NMNAT3: variants seen among roughly 807,000 people sequenced by gnomAD.
NMNAT3 encodes the protein nicotinamide/nicotinic acid mononucleotide adenylyltransferase 3.
In NMNAT3, 21 loss-of-function variants were observed where a neutral mutation model predicts 24.8. The ratio of observed to expected loss-of-function variants is 0.85; its 90% CI spans 0.60 to 1.22. NMNAT3 has a LOEUF of 1.22. Ranked by LOEUF, NMNAT3 falls within the 50% of genes most tolerant of loss-of-function variation. The pLI, the probability that NMNAT3 is intolerant of heterozygous loss-of-function variation, is 0.00. For synonymous variants in NMNAT3, 136 were observed against 155.2 expected, an observed-to-expected ratio of 0.88 and a Z score of 0.92; for missense variants, 387 against 436.6, an observed-to-expected ratio of 0.89 and a Z score of 1.01.
chr3:139,563,962 T>TA (rs1936806391), intron 6 of NMNAT3, among the ~76,000 whole-genome samples: 2 of 152,176 alleles, frequency 1.3e-5, no homozygotes, highest in Non-Finnish European at 2.9e-5. Flanking sequence ...GAAAGGTAGA[T>TA]AAAACTGAAA....
chr3:139,639,515 A>G (rs1208121151), intron 1 of NMNAT3, among the ~76,000 whole-genome samples: 1 of 152,196 alleles, frequency 6.6e-6, no homozygotes, highest in Non-Finnish European at 1.5e-5. Flanking sequence ...AGCAAAAGAC[A>G]GGCATGTTTA....
chr3:139,658,940 C>T (rs890614417), intron 1 of NMNAT3, among the ~76,000 whole-genome samples: 9 of 152,234 alleles, frequency 5.9e-5, no homozygotes, highest in African/African-American at 1.9e-4. Flanking sequence ...CCCTGCACCC[C>T]TCCCTCAAGC....
chr3:139,595,079 A>G (rs2054383970), intron 3 of NMNAT3, among the ~76,000 whole-genome samples: 1 of 152,260 alleles, frequency 6.6e-6, no homozygotes. Flanking sequence ...TTTCAGCCCA[A>G]AATCTCCTTA....
chr3:139,627,350 A>T (rs2056096778), intron 3 of NMNAT3, among the ~76,000 whole-genome samples: 1 of 152,072 alleles, frequency 6.6e-6, no homozygotes, highest in Non-Finnish European at 1.5e-5. Flanking sequence ...GGTTCTGTAG[A>T]GGGCCTGTTG....
At chr3:139,651,934 T>TGG (rs1236216473) in intron 1 of NMNAT3, among the ~76,000 whole-genome samples, 1 of 152,194 alleles carries the variant, frequency 6.6e-6, no homozygotes, top group African/African-American at 2.4e-5. Context: ...ACTGACAGCC[T>TGG]GGGGACCTAA....
chr3:139,596,920 A>ATATATG (rs2054491565), intron 3 of NMNAT3, among the ~76,000 whole-genome samples: 3 of 16,914 alleles, frequency 1.8e-4, no homozygotes, highest in African/African-American at 2.8e-4. Context: ...ATGTGTGTAT[A>ATATATG]TATATATATA....
At chr3:139,676,275 C>G (rs2057926674) in intron 1 of NMNAT3, among the ~76,000 whole-genome samples, 1 of 152,202 alleles carries the variant, frequency 6.6e-6, no homozygotes, top group Admixed American at 6.5e-5. Flanking sequence ...AAATTGGGAT[C>G]ATTTGAGCCA....
At chr3:139,611,034 ATGG>A (rs1177617482) in intron 3 of NMNAT3, among the ~76,000 whole-genome samples, 1 of 19,680 alleles carries the variant, frequency 5.1e-5, no homozygotes, top group Non-Finnish European at 1.2e-3. Flanking sequence ...GTTGGTGAGG[ATGG>A]GGGGGGTGGT....
chr3:139,632,719 C>T (rs2108327134), intron 2 of NMNAT3, among the ~76,000 whole-genome samples: 1 of 152,334 alleles, frequency 6.6e-6, no homozygotes, highest in Non-Finnish European at 1.5e-5. Context: ...ATGGGAAGGA[C>T]AATTCAATAG....
At chr3:139,584,203 T>C (rs2053813274) in intron 3 of NMNAT3, 1 of 153,380 alleles carries the variant, frequency 6.5e-6, no homozygotes, top group Non-Finnish European at 1.5e-5. Flanking sequence ...GTCTGCCTTC[T>C]TTCCTTGAGA....
At chr3:139,614,732 A>G (rs566700038) in intron 3 of NMNAT3, among the ~76,000 whole-genome samples, 5 of 152,214 alleles carry the variant, frequency 3.3e-5, no homozygotes, top group Admixed American at 2.0e-4. Flanking sequence ...GTTAGCTTTG[A>G]TCACTTGGTT....
At chr3:139,613,514 C>G (rs556175642) in intron 3 of NMNAT3, among the ~76,000 whole-genome samples, 6 of 152,134 alleles carry the variant, frequency 3.9e-5, no homozygotes, top group Non-Finnish European at 8.8e-5. Flanking sequence ...TGGAGAAATA[C>G]GTACACTTTT....
intron 3 of NMNAT3, among the ~76,000 whole-genome samples, chr3:139,596,964 A>ATATTTTTT (rs1405063694): frequency 6.4e-5 from 7 of 108,538 alleles, no homozygotes; most frequent in South Asian, 2.7e-4. Context: ...ATATATATAT[A>ATATTTTTT]TTTTTATTAC....
At chr3:139,615,330 A>G (rs1258753393) in intron 3 of NMNAT3, among the ~76,000 whole-genome samples, 1 of 152,194 alleles carries the variant, frequency 6.6e-6, no homozygotes, top group African/African-American at 2.4e-5. Context: ...TATTATGGCT[A>G]CTGGGGTACA....
chr3:139,625,944 T>C (rs1316038302), intron 3 of NMNAT3, among the ~76,000 whole-genome samples: 3 of 152,188 alleles, frequency 2.0e-5, no homozygotes, highest in African/African-American at 7.2e-5. Flanking sequence ...AGGTCGACAG[T>C]ATTTTCTTTC....
At chr3:139,597,477 A>G (rs2054534459) in intron 3 of NMNAT3, among the ~76,000 whole-genome samples, 1 of 152,090 alleles carries the variant, frequency 6.6e-6, no homozygotes, top group Non-Finnish European at 1.5e-5. Flanking sequence ...GGTCTTGTTG[A>G]ATTATTCTTT....
intron 1 of NMNAT3, among the ~76,000 whole-genome samples, chr3:139,666,901 T>C (rs568822748): frequency 5.6e-4 from 85 of 152,364 alleles, no homozygotes; most frequent in African/African-American, 1.9e-3. Flanking sequence ...TCCATGTTGC[T>C]GCAAATGACA....
At chr3:139,649,260 A>C (rs889710438) in intron 1 of NMNAT3, among the ~76,000 whole-genome samples, 10 of 152,154 alleles carry the variant, frequency 6.6e-5, no homozygotes, top group Admixed American at 1.3e-4. Flanking sequence ...GTCTTTAAAG[A>C]TTGCCTGTGG....
chr3:139,580,229 G>A (rs1194431163), intron 4 of NMNAT3, among the ~76,000 whole-genome samples: 2 of 144,874 alleles, frequency 1.4e-5, no homozygotes, highest in East Asian at 3.9e-4. Flanking sequence ...GGAGTGCAGT[G>A]GTGCAATCTC....
Sources: allele counts gnomAD v4.1 joint callset (sites outside exome capture counted in the v4.1 genomes callset), GRCh38; gene constraint gnomAD v4.1.1; transcripts MANE v1.5; gene names NCBI Gene and HGNC (gene_info 2026-07-23, HGNC 2026-07-21).